The following SIAH3 variants were observed in gnomAD, a reference collection of about 807,000 sequenced individuals.
The protein encoded by SIAH3 is seven in absentia homolog 3.
A neutral mutation model predicts 12.6 loss-of-function variants in SIAH3; 9 were observed. The observed-to-expected ratio is 0.72, with a 90% CI of 0.43 to 1.25. SIAH3 has a LOEUF of 1.25. SIAH3 is among the 50% of genes most tolerant of loss of function. The pLI, the probability that SIAH3 is intolerant of heterozygous loss-of-function variation, is 0.00. For missense variants in SIAH3, 390 were observed against 365.4 expected (o/e 1.07, Z -0.55); for synonymous variants, 154 against 151.1 (o/e 1.02, Z -0.14).
At chr13:45,846,047 T>TGTAGGAATATA (rs1407819468) in intron 1 of SIAH3, among the ~76,000 whole-genome samples, 1 of 149,662 alleles carries the variant, frequency 6.7e-6, no homozygotes, top group Admixed American at 6.7e-5. Context: ...CCTGGGGCAG[T>TGTAGGAATATA]GTAGGAATAT....
chr13:45,832,458 T>C (rs904272582), intron 1 of SIAH3, among the ~76,000 whole-genome samples: 4 of 152,242 alleles, frequency 2.6e-5, no homozygotes, highest in Non-Finnish European at 4.4e-5. Flanking sequence ...TTTATCCTTT[T>C]GGGTCTGGCT....
At position 45,781,076 on chromosome 13, in the gene SIAH3, T is replaced by C. The variant is rs1243764058; in HGVS notation, c.*2307A>G. On this transcript the variant is annotated 3_prime_UTR_variant, in exon 2 of 2. Coordinates refer to ENST00000400405, the MANE Select transcript of SIAH3 (RefSeq NM_198849.3). ...TCCTAAAGCTTTCTAGGAACAAAAA[T>C]ATAAGCTCCCATCTGGGATCACTTA... 2.6e-5 allele frequency: 4 copies of C among 152,606 alleles called. No homozygotes were observed. In the East Asian group the frequency reaches 7.7e-4, roughly 29 times the overall value. The allele number at this position is 152,606 out of a possible 1,614,324, so 9.5% of individuals were successfully genotyped here.
chr13:45,786,596 A>G (rs1335685368), intron 1 of SIAH3, among the ~76,000 whole-genome samples: 1 of 152,218 alleles, frequency 6.6e-6, no homozygotes, highest in Non-Finnish European at 1.5e-5. Flanking sequence ...GCATGTTAGG[A>G]GATCAAATGA....
At chr13:45,830,114 T>C (rs1333185295) in intron 1 of SIAH3, among the ~76,000 whole-genome samples, 1 of 152,164 alleles carries the variant, frequency 6.6e-6, no homozygotes, top group Non-Finnish European at 1.5e-5. Context: ...AGGTTTGAAT[T>C]AGAGGGCTCG....
At chr13:45,804,963 AACACACACACACACAC>A (rs56315825) in intron 1 of SIAH3, among the ~76,000 whole-genome samples, 225 of 135,908 alleles carry the variant, frequency 1.7e-3, no homozygotes, top group Middle Eastern at 0.011. Flanking sequence ...TCCCATTTAT[AACACACACACACACAC>A]ACACACACAC....
chr13:45,847,236 T>C (rs1950763395), intron 1 of SIAH3, among the ~76,000 whole-genome samples: 1 of 152,206 alleles, frequency 6.6e-6, no homozygotes, highest in African/African-American at 2.4e-5. Context: ...AAAGTAGGTA[T>C]TCACGCAGAA....
intron 1 of SIAH3, among the ~76,000 whole-genome samples, chr13:45,796,859 G>A (rs909172710): frequency 6.6e-6 from 1 of 152,184 alleles, no homozygotes; most frequent in Non-Finnish European, 1.5e-5. Flanking sequence ...CCCCTTAAGC[G>A]AGGTGGGGGC....
chr13:45,824,920 A>T (rs1179848531), intron 1 of SIAH3, among the ~76,000 whole-genome samples: 1 of 150,458 alleles, frequency 6.6e-6, no homozygotes, highest in African/African-American at 2.4e-5. Context: ...AACCAAAAAA[A>T]GAAGCCATCC....
rs970911744 is a variant in SIAH3 at position 45,783,482 on chromosome 13, G to C, written c.711C>G (p.Leu237=). 3.5e-5 allele frequency: 56 copies of C among 1,614,026 alleles called. No individual in the cohort carries two copies. The highest frequency in any genetic ancestry group is 4.6e-5 in the Non-Finnish European group (54 of 1,180,032). ...SVITDGDCLV[L]NTSLAQLFSD... is the part of the protein sequence containing the mutation. ...AGAAGAGCTGTGCCAGCGAGGTGTT[G>C]AGGACGAGGCAGTCCCCGTCCGTAA... The change falls in exon 2 of 2, where the codon CTC becomes CTG. Residue 237 remains leucine (L), a synonymous_variant. Coordinates refer to ENST00000400405, the MANE Select transcript of SIAH3 (RefSeq NM_198849.3).
At chr13:45,845,269 T>G (rs1008113012) in intron 1 of SIAH3, among the ~76,000 whole-genome samples, 8 of 151,258 alleles carry the variant, frequency 5.3e-5, no homozygotes, top group Non-Finnish European at 1.0e-4. Flanking sequence ...TGTGCGTGTG[T>G]TAAAAACGCT....
At chr13:45,786,020 T>C (rs1950526643) in intron 1 of SIAH3, among the ~76,000 whole-genome samples, 1 of 152,228 alleles carries the variant, frequency 6.6e-6, no homozygotes, top group South Asian at 2.1e-4. Context: ...TCATTTAATT[T>C]TTCACAGAAA....
intron 1 of SIAH3, among the ~76,000 whole-genome samples, chr13:45,807,580 T>C (rs138171723): frequency 6.6e-6 from 1 of 152,330 alleles, no homozygotes; most frequent in East Asian, 1.9e-4. Context: ...AGTTTTTAAA[T>C]CTGTATTCCC....
chr13:45,780,402 T>C lies in SIAH3; in HGVS notation c.*2981A>G, dbSNP rs1398942616. On this transcript the variant is annotated 3_prime_UTR_variant, in exon 2 of 2. Coordinates refer to ENST00000400405, the MANE Select transcript of SIAH3 (RefSeq NM_198849.3). ...TCCCCCTGTCTTGGCCTCCGAGTAGTTAAGACTATAGGCTTGTGTCACCAT... is the reference window on the plus strand; with the variant it reads ...TCCCCCTGTCTTGGCCTCCGAGTAGCTAAGACTATAGGCTTGTGTCACCAT... The C allele has an allele frequency of 6.6e-6, 1 of 152,170 alleles. No individual in the cohort carries two copies. Among genetic ancestry groups the C allele is most frequent in the African/African-American group, 2.4e-5 (1 of 41,380 alleles). 9.4% of individuals were successfully genotyped at this position (152,170 alleles called of 1,614,324 possible).
At chr13:45,844,799 A>G (rs1421651667) in intron 1 of SIAH3, among the ~76,000 whole-genome samples, 2 of 152,234 alleles carry the variant, frequency 1.3e-5, no homozygotes, top group Non-Finnish European at 2.9e-5. Flanking sequence ...ATGCTGTGAT[A>G]AGTTAAGTGT....
chr13:45,792,458 T>A (rs895086378), intron 1 of SIAH3, among the ~76,000 whole-genome samples: 1 of 151,854 alleles, frequency 6.6e-6, no homozygotes, highest in East Asian at 1.9e-4. Context: ...CCTGGGTTCA[T>A]GCAATTCTCC....
At position 45,783,770 on chromosome 13, in the gene SIAH3, G is replaced by A. The variant is rs779347150; in HGVS notation, c.423C>T (p.Ile141=). 1.9e-6 allele frequency: 3 copies of A among 1,614,214 alleles called. No individual in the cohort carries two copies. Among genetic ancestry groups the A allele is most frequent in the Admixed American group, 1.7e-5 (1 of 60,026 alleles). The change falls in exon 2 of 2, where the codon ATC becomes ATT. Residue 141 remains isoleucine, a synonymous_variant. Coordinates refer to ENST00000400405, the MANE Select transcript of SIAH3 (RefSeq NM_198849.3). ...HRVDILQGAE[I]VFLATDMHLP... is the part of the protein sequence containing the mutation. ...GGTGCATGTCCGTGGCCAGGAAGAC[G>A]ATCTCGGCTCCCTGGAGGATGTCAA...
At chr13:45,829,861 G>T (rs531758142) in intron 1 of SIAH3, among the ~76,000 whole-genome samples, 3 of 151,962 alleles carry the variant, frequency 2.0e-5, no homozygotes, top group Non-Finnish European at 4.4e-5. Flanking sequence ...GAGGCGCTTG[G>T]GTTCGAGGCC....
At chr13:45,794,024 C>T (rs924435824) in intron 1 of SIAH3, among the ~76,000 whole-genome samples, 1 of 151,938 alleles carries the variant, frequency 6.6e-6, no homozygotes, top group African/African-American at 2.4e-5. Flanking sequence ...AACACCTGGA[C>T]CCACTGGAAC....
At chr13:45,841,454 T>A (rs1950739828) in intron 1 of SIAH3, among the ~76,000 whole-genome samples, 1 of 152,226 alleles carries the variant, frequency 6.6e-6, no homozygotes, top group Non-Finnish European at 1.5e-5. Flanking sequence ...TTTCTCAGGC[T>A]ACTTGCTCCA....
Sources: allele counts gnomAD v4.1 joint callset (sites outside exome capture counted in the v4.1 genomes callset), GRCh38; gene constraint gnomAD v4.1.1; transcripts MANE v1.5; gene names NCBI Gene and HGNC (gene_info 2026-07-23, HGNC 2026-07-21).